The following CNTNAP2 variants were observed in gnomAD, a reference collection of about 807,000 sequenced individuals.
The protein encoded by CNTNAP2 is contactin associated protein 2, also known as contactin-associated protein-like 2.
A neutral mutation model predicts 155.2 loss-of-function variants in CNTNAP2; 98 were observed. The ratio of observed to expected loss-of-function variants is 0.63; its 90% CI spans 0.54 to 0.75. The LOEUF (loss-of-function observed/expected upper bound fraction) is 0.75. Among genes scored for constraint, CNTNAP2 ranks in the 30% least tolerant of loss-of-function variants. The pLI is 0.00. For synonymous variants in CNTNAP2, 651 were observed against 631.2 expected, an observed-to-expected ratio of 1.03 and a Z score of -0.47; for missense variants, 1,727 against 1,688.1, an observed-to-expected ratio of 1.02 and a Z score of -0.40.
At chr7:146,445,505 A>G (rs1188031589) in intron 1 of CNTNAP2, among the ~76,000 whole-genome samples, 1 of 152,194 alleles carries the variant, frequency 6.6e-6, no homozygotes, top group Non-Finnish European at 1.5e-5. Flanking sequence ...AGATCAGTGG[A>G]AGACTTAAGT....
intron 12 of CNTNAP2, among the ~76,000 whole-genome samples, chr7:147,626,098 A>T (rs1180558652): frequency 6.6e-6 from 1 of 152,084 alleles, no homozygotes; most frequent in Non-Finnish European, 1.5e-5. Context: ...GGAAGTAGTC[A>T]CAGTGCAAAG....
chr7:146,722,327 T>G (rs1023853095), intron 1 of CNTNAP2, among the ~76,000 whole-genome samples: 8 of 152,254 alleles, frequency 5.3e-5, no homozygotes, highest in African/African-American at 1.9e-4. Flanking sequence ...TGGGTAGGGC[T>G]TGGCCTAGGA....
chr7:147,640,696 G>A (rs576852235), intron 13 of CNTNAP2, among the ~76,000 whole-genome samples: 3 of 152,280 alleles, frequency 2.0e-5, no homozygotes, highest in African/African-American at 4.8e-5. Flanking sequence ...ATGGACATAC[G>A]TGGAGTGGTT....
rs1801490218 is a variant in CNTNAP2 at position 147,136,853 on chromosome 7, T to A, written c.1348+4344T>A. 2.0e-5 allele frequency among the ~76,000 whole-genome samples: 3 copies of A among 151,988 alleles called. No individual in the cohort carries two copies. The South Asian group carries it at 6.2e-4, about 31-fold the overall frequency. Reference sequence around the variant, plus strand: ...TGTTTACTGAAAATTTTTTTTCAGTTCTATACTGATATTATTTCAAAATGT... The same window carrying A: ...TGTTTACTGAAAATTTTTTTTCAGTACTATACTGATATTATTTCAAAATGT... On this transcript the variant is annotated intron_variant, in intron 8 of 23. Transcript: ENST00000361727.
At chr7:147,979,650 T>G (rs927668703) in intron 15 of CNTNAP2, among the ~76,000 whole-genome samples, 1 of 152,098 alleles carries the variant, frequency 6.6e-6, no homozygotes, top group African/African-American at 2.4e-5. Context: ...TGAGACGGAG[T>G]CTTGCTCTGT....
intron 23 of CNTNAP2, among the ~76,000 whole-genome samples, chr7:148,413,124 G>A (rs1018988210): frequency 8.6e-5 from 13 of 151,906 alleles, no homozygotes; most frequent in Admixed American, 5.3e-4. Flanking sequence ...AGGCGTAGCA[G>A]CTCACGCCTA....
chr7:148,413,433 T>TGTATA (rs1563079512), intron 23 of CNTNAP2, among the ~76,000 whole-genome samples: 17 of 106,642 alleles, frequency 1.6e-4, no homozygotes, highest in African/African-American at 5.9e-4. Context: ...TATATATATA[T>TGTATA]ATATATATAT....
At chr7:146,757,746 G>T (rs1314028734) in intron 1 of CNTNAP2, among the ~76,000 whole-genome samples, 2 of 152,128 alleles carry the variant, frequency 1.3e-5, no homozygotes, top group African/African-American at 4.8e-5. Context: ...TGAGATTGCA[G>T]CCATCTCTTC....
At chr7:147,220,394 AAC>A (rs1423132714) in intron 8 of CNTNAP2, among the ~76,000 whole-genome samples, 6 of 152,206 alleles carry the variant, frequency 3.9e-5, no homozygotes, top group Non-Finnish European at 8.8e-5. Context: ...TCTCATAGAC[AAC>A]ACAGAGTTGA....
In CNTNAP2 at chr7:147,830,487, G is replaced by T. The variant is rs1798530285; in HGVS notation, c.2099-73078G>T. Among the ~76,000 whole-genome samples the T allele has an allele frequency of 3.9e-5, 6 of 152,090 alleles. No individual in the cohort carries two copies. The South Asian group carries it at 1.2e-3, about 32-fold the overall frequency. ...AGATTTCAGCATATTAATTTGGTGG[G>T]GGTCACATAAACATCCAATCCACTA... On this transcript the variant is annotated intron_variant, in intron 13 of 23. Coordinates refer to ENST00000361727, the MANE Select transcript of CNTNAP2 (RefSeq NM_014141.6).
chr7:146,443,352 A>G (rs1360449065), intron 1 of CNTNAP2, among the ~76,000 whole-genome samples: 2 of 152,208 alleles, frequency 1.3e-5, no homozygotes, highest in Admixed American at 6.5e-5. Context: ...GTTAAATGGT[A>G]ATTGCATAAT....
At chr7:146,692,231 C>T (rs1389797226) in intron 1 of CNTNAP2, among the ~76,000 whole-genome samples, 2 of 152,236 alleles carry the variant, frequency 1.3e-5, no homozygotes, top group Non-Finnish European at 2.9e-5. Context: ...TAAACATTTA[C>T]ATAGAGACCT....
chr7:146,996,847 A>G (rs1277014315), intron 3 of CNTNAP2, among the ~76,000 whole-genome samples: 1 of 151,894 alleles, frequency 6.6e-6, no homozygotes, highest in Non-Finnish European at 1.5e-5. Context: ...TGTGGGAGGG[A>G]CCCCGTGGGG....
intron 13 of CNTNAP2, among the ~76,000 whole-genome samples, chr7:147,719,443 C>A (rs1796531186): frequency 1.3e-5 from 2 of 152,012 alleles, no homozygotes; most frequent in African/African-American, 4.8e-5. Flanking sequence ...TCTTACATAA[C>A]AATCTGGCAG....
intron 10 of CNTNAP2, among the ~76,000 whole-genome samples, chr7:147,481,812 C>T (rs931523588): frequency 6.6e-6 from 1 of 152,092 alleles, no homozygotes; most frequent in East Asian, 1.9e-4. Context: ...TAGAAGCAGT[C>T]GAGTCATTTT....
intron 20 of CNTNAP2, among the ~76,000 whole-genome samples, chr7:148,253,477 C>A (rs555870496): frequency 6.6e-6 from 1 of 152,298 alleles, no homozygotes; most frequent in Admixed American, 6.5e-5. Flanking sequence ...GTCATGTTTT[C>A]CAAACAAGAA....
At chr7:147,897,249 A>G (rs1238578412) in intron 13 of CNTNAP2, among the ~76,000 whole-genome samples, 2 of 152,250 alleles carry the variant, frequency 1.3e-5, no homozygotes, top group East Asian at 1.9e-4. Context: ...ACTGTCTGCA[A>G]TGAAAATGAA....
intron 20 of CNTNAP2, among the ~76,000 whole-genome samples, chr7:148,255,196 A>G (rs1432083822): frequency 6.6e-6 from 1 of 152,200 alleles, no homozygotes; most frequent in East Asian, 1.9e-4. Flanking sequence ...GTTTTTAATG[A>G]TTTACAATCA....
At chr7:147,579,643 A>G (rs1454544307) in intron 12 of CNTNAP2, among the ~76,000 whole-genome samples, 1 of 152,052 alleles carries the variant, frequency 6.6e-6, no homozygotes, top group African/African-American at 2.4e-5. Flanking sequence ...GCCCCAGACC[A>G]CCTATTTAAT....
Sources: allele counts gnomAD v4.1 joint callset (sites outside exome capture counted in the v4.1 genomes callset), GRCh38; gene constraint gnomAD v4.1.1; transcripts MANE v1.5; gene names NCBI Gene and HGNC (gene_info 2026-07-23, HGNC 2026-07-21).